SNRPN: variants seen among roughly 807,000 people sequenced by gnomAD.
SNRPN encodes small nuclear ribonucleoprotein-associated protein N.
SNRPN carries 7 observed loss-of-function variants against 25.2 expected under a neutral mutation model. That is an observed-to-expected ratio of 0.28 (90% CI 0.16 to 0.52). The LOEUF is 0.52. SNRPN is among the 20% of genes least tolerant of loss of function. The pLI is 0.96. For synonymous variants in SNRPN, 124 were observed against 110.6 expected, an observed-to-expected ratio of 1.12 and a Z score of -0.76; for missense variants, 196 against 322.5, an observed-to-expected ratio of 0.61 and a Z score of 3.00.
intron 2 of SNRPN, among the ~76,000 whole-genome samples, chr15:24,894,342 C>G (rs935167209): frequency 6.6e-6 from 1 of 152,178 alleles, no homozygotes; most frequent in African/African-American, 2.4e-5. Flanking sequence ...CCTCAGCCTC[C>G]CAAGTAGCTG....
At position 24,929,537 on chromosome 15, in the gene SNRPN, C is replaced by T. The variant is rs528591066; in HGVS notation, c.-391+9413C>T. On this transcript the variant is annotated intron_variant, in intron 3 of 11. Transcript: ENST00000400097. The surrounding 1 kb of genome is among the most constrained non-coding windows in gnomAD (Gnocchi z 5.3). ...GCACCTGGGAAGCTCAGGGAAGCTG[C>T]AGGTACCCTGTCAGTTGGGTGTCCC... 2.0e-5 allele frequency among the ~76,000 whole-genome samples: 3 copies of T among 152,250 alleles called. No homozygotes were observed. The highest frequency in any genetic ancestry group is 2.0e-4 in the Admixed American group (3 of 15,292).
chr15:24,969,420 C>T (rs1187825114), intron 3 of SNRPN, among the ~76,000 whole-genome samples: 1 of 152,192 alleles, frequency 6.6e-6, no homozygotes, highest in Non-Finnish European at 1.5e-5. Context: ...TGACCTACCG[C>T]GCCCGGCCCA....
At chr15:24,974,277 T>C (rs1050124959) in intron 3 of SNRPN, 34 bp from the exon 4 acceptor site, 4 of 627,496 alleles carry the variant, frequency 6.4e-6, no homozygotes, top group Non-Finnish European at 1.2e-5. Flanking sequence ...ACATGGTAGA[T>C]TGCAGTGCAG....
intron 1 of SNRPN, among the ~76,000 whole-genome samples, chr15:24,879,493 T>C (rs1296223058): frequency 6.6e-6 from 1 of 151,898 alleles, no homozygotes; most frequent in African/African-American, 2.4e-5. Flanking sequence ...AGAAAATATA[T>C]GTGTGATGTT....
chr15:24,917,863 C>T (rs2059630509), intron 2 of SNRPN, among the ~76,000 whole-genome samples: 1 of 152,178 alleles, frequency 6.6e-6, no homozygotes, highest in South Asian at 2.1e-4. Context: ...GAGCCAACTT[C>T]CCTATTAATC....
intron 2 of SNRPN, among the ~76,000 whole-genome samples, chr15:24,918,309 A>G (rs2059660436): frequency 7.2e-6 from 1 of 138,956 alleles, no homozygotes; most frequent in Non-Finnish European, 1.5e-5. Flanking sequence ...TATATATGCA[A>G]ACATATATAT....
intron 1 of SNRPN, among the ~76,000 whole-genome samples, chr15:24,826,858 A>T (rs1341225569): frequency 6.6e-6 from 1 of 152,040 alleles, no homozygotes; most frequent in Non-Finnish European, 1.5e-5. Context: ...TTTTTAGGCA[A>T]TTTTGTCATT....
chr15:24,825,685 A>G (rs1264829678), intron 1 of SNRPN, among the ~76,000 whole-genome samples: 1 of 152,134 alleles, frequency 6.6e-6, no homozygotes, highest in African/African-American at 2.4e-5. Context: ...TGCTCAGAAC[A>G]CTTATATTTG....
intron 2 of SNRPN, among the ~76,000 whole-genome samples, chr15:24,911,731 G>A (rs1045292957): frequency 6.6e-6 from 1 of 152,242 alleles, no homozygotes; most frequent in Non-Finnish European, 1.5e-5. Context: ...TCAGAGAACT[G>A]CTGTAGGGGC....
chr15:24,848,053 T>C (rs2052359574), intron 2 of SNRPN, among the ~76,000 whole-genome samples: 1 of 151,906 alleles, frequency 6.6e-6, no homozygotes, highest in African/African-American at 2.4e-5. Flanking sequence ...TTCGCTCATG[T>C]CTCCGTGGCA....
chr15:24,837,480 T>G (rs775458983), intron 2 of SNRPN, among the ~76,000 whole-genome samples: 10 of 150,554 alleles, frequency 6.6e-5, no homozygotes, highest in Non-Finnish European at 1.2e-4. Flanking sequence ...GCCATTCTCC[T>G]GCCTCAGCCT....
upstream of SNRPN, among the ~76,000 whole-genome samples, chr15:24,853,398 A>AT (rs113742775): frequency 0.032 from 4,551 of 143,952 alleles, 173 homozygotes; most frequent in African/African-American, 0.097. Context: ...AAGTTGTCTG[A>AT]TTTTTTTTTT....
upstream of SNRPN, chr15:24,852,386 T>G (rs538404022): frequency 6.6e-5 from 10 of 152,310 alleles, no homozygotes; most frequent in African/African-American, 2.4e-4. Flanking sequence ...TCATTGGGCA[T>G]CATCATAGGG....
At chr15:24,843,390 A>G (rs1048880019) in intron 2 of SNRPN, among the ~76,000 whole-genome samples, 1 of 152,162 alleles carries the variant, frequency 6.6e-6, no homozygotes, top group African/African-American at 2.4e-5. Flanking sequence ...GCTCATGCCT[A>G]TAATCCCAAC....
upstream of SNRPN, among the ~76,000 whole-genome samples, chr15:24,855,111 A>G (rs2053266188): frequency 6.6e-6 from 1 of 152,188 alleles, no homozygotes; most frequent in South Asian, 2.1e-4. Context: ...CTTATTTTAC[A>G]GCCAAATACA....
chr15:24,843,956 G>A (rs1566816663), intron 2 of SNRPN, among the ~76,000 whole-genome samples: 1 of 151,180 alleles, frequency 6.6e-6, no homozygotes, highest in South Asian at 2.1e-4. Context: ...CTGGGCGATA[G>A]AGCTGACTCT....
intron 3 of SNRPN, among the ~76,000 whole-genome samples, chr15:24,949,541 C>T (rs1047219725): frequency 1.5e-4 from 23 of 152,080 alleles, no homozygotes; most frequent in Non-Finnish European, 2.9e-5. Flanking sequence ...GTCCCAGCTA[C>T]TAAGGAAGCT....
chr15:24,956,379 T>G (rs2062892920), intron 1 of SNRPN, among the ~76,000 whole-genome samples: 1 of 145,640 alleles, frequency 6.9e-6, no homozygotes, highest in Non-Finnish European at 1.5e-5. Flanking sequence ...TTCCTCCCTG[T>G]AGAGCCGCCA....
intron 1 of SNRPN, among the ~76,000 whole-genome samples, chr15:24,878,831 A>G (rs2056286771): frequency 1.3e-5 from 2 of 152,038 alleles, no homozygotes; most frequent in South Asian, 4.1e-4. Flanking sequence ...TACTACTTTA[A>G]TCATTTCTGT....
Sources: allele counts gnomAD v4.1 joint callset (sites outside exome capture counted in the v4.1 genomes callset), GRCh38; gene constraint gnomAD v4.1.1; non-coding constraint Gnocchi (gnomAD v3.1); transcripts MANE v1.5; gene names NCBI Gene and HGNC (gene_info 2026-07-23, HGNC 2026-07-21).